Variants in C16orf96 observed in about 807,000 individuals in gnomAD.
C16orf96 encodes uncharacterized protein C16orf96.
C16orf96 carries 108 observed loss-of-function variants against 103.6 expected under a neutral mutation model. The ratio of observed to expected loss-of-function variants is 1.04; its 90% CI spans 0.89 to 1.22. The LOEUF is 1.22. Among genes scored for constraint, C16orf96 ranks in the 50% most tolerant of loss-of-function variants. The pLI is 0.00. For synonymous variants in C16orf96, 566 were observed against 593.5 expected (o/e 0.95, Z 0.67); for missense variants, 1,586 against 1,464.2 (o/e 1.08, Z -1.36).
chr16:4,548,111 G>A, the C16orf96 span, among the ~76,000 whole-genome samples: 6 of 152,146 alleles, frequency 3.9e-5, no homozygotes, highest in Non-Finnish European at 8.8e-5. Flanking sequence ...TACACAAAAA[G>A]CCGCTCCGGG....
At chr16:4,548,635 G>A in the C16orf96 span, among the ~76,000 whole-genome samples, 1 of 152,170 alleles carries the variant, frequency 6.6e-6, no homozygotes, top group African/African-American at 2.4e-5. Flanking sequence ...CCCTCTGGGA[G>A]GCCAAGGCAG....
Position 4,579,025 on chromosome 16 carries a change from G to T in C16orf96, c.2241G>T (p.Lys747Asn), listed in dbSNP as rs376322067. ...GCAGCCTCCAGAAATCTAGGCTCAA[G>T]GTTAGTGTCTCCGGCGAAGGGCTTT... ...KIGSLQKSRL[K>N]EEELERIWGN... The change falls in exon 6 of 16, where the codon AAG (lysine) becomes AAT (asparagine). Residue 747 changes from lysine (K) to asparagine (N), a missense_variant and splice_region_variant. Physicochemically the swap from Lys to Asn is moderately conservative, Grantham distance 94. Coordinates refer to ENST00000444310, the MANE Select transcript of C16orf96 (RefSeq NM_001145011.2). 1.3e-6 allele frequency: 2 copies of T among 1,551,428 alleles called. No individual in the cohort carries two copies. The highest frequency in any genetic ancestry group is 2.0e-5 in the Admixed American group (1 of 51,000).
intron 1 of C16orf96, among the ~76,000 whole-genome samples, chr16:4,567,280 C>CTTTTTTTTTTTTTTT (rs71139642): frequency 3.2e-5 from 2 of 62,604 alleles, no homozygotes; most frequent in Admixed American, 2.5e-4. Context: ...TATTTCTTTT[C>CTTTTTTTTTTTTTTT]TTTTTTTTTT....
rs1434659974 is a variant in C16orf96, at chr16:4,581,136, G to GTATA, written c.2352+1012_2352+1015dup. Among the ~76,000 whole-genome samples, 47 of 40,794 alleles carry GTATA rather than the reference G, an allele frequency of 1.2e-3. 1 individual carries two copies. The highest frequency in any genetic ancestry group is 3.0e-3 in the African/African-American group (45 of 15,036). The allele number at this position is 40,794 out of a possible 152,430, so 26.8% of individuals were successfully genotyped here. Reference sequence around the variant, plus strand: ...CAAAACTCTGTCTAAAAATATATATGTATACATATATATATATATATATAT... The same window carrying GTATA: ...CAAAACTCTGTCTAAAAATATATATGTATATATACATATATATATATATATATAT... On this transcript the variant is annotated intron_variant, in intron 7 of 15. Coordinates refer to ENST00000444310, the MANE Select transcript of C16orf96 (RefSeq NM_001145011.2).
chr16:4,598,755 C>T (rs989941395), intron 14 of C16orf96, among the ~76,000 whole-genome samples: 1 of 152,216 alleles, frequency 6.6e-6, no homozygotes, highest in Admixed American at 6.5e-5. Context: ...CGTCACACTC[C>T]TCTCTGGCCT....
In C16orf96 at chr16:4,576,047, G is replaced by A. The variant is rs1286658361; in HGVS notation, c.1567G>A (p.Ala523Thr). The change falls in exon 5 of 16, where the codon GCT (alanine) becomes ACT (threonine). Residue 523 changes from alanine (A) to threonine (T), a missense_variant. Ala to Thr is a moderately conservative substitution (Grantham distance 58). Coordinates refer to ENST00000444310, the MANE Select transcript of C16orf96 (RefSeq NM_001145011.2). Reference protein sequence around the residue: ...GGKDVDPKDRAHKDDVPKDRG... With the variant: ...GGKDVDPKDRTHKDDVPKDRG... ...CAAGGATGTGGACCCCAAGGATAGA[G>A]CTCACAAGGATGATGTCCCCAAAGA... The A allele has an allele frequency of 6.4e-7, 1 of 1,551,332 alleles. No individual in the cohort carries two copies. Among genetic ancestry groups the A allele is most frequent in the Non-Finnish European group, 8.7e-7 (1 of 1,146,928 alleles).
At position 4,600,504 on chromosome 16, in the gene C16orf96, T is replaced by G; in HGVS notation, c.*187T>G. 1.7e-5 allele frequency: 6 copies of G among 346,642 alleles called. No individual in the cohort carries two copies. The highest frequency in any genetic ancestry group is 4.6e-5 in the East Asian group (1 of 21,616). 21.5% of individuals were successfully genotyped at this position (346,642 alleles called of 1,614,324 possible). A position where few individuals can be genotyped will look rare whatever the true frequency, so the allele number is the denominator to read the frequency against. On this transcript the variant is annotated 3_prime_UTR_variant, in exon 16 of 16. Transcript: ENST00000444310. ...AGGCTCATGCGCCCCCCCCCATCCC[T>G]ACCAAGTCCCCTCCACGTCCGAGGC...
rs1424855490 is a variant in C16orf96 at position 4,575,610 on chromosome 16, G to A, written c.1130G>A (p.Gly377Asp). 17 of 1,513,066 alleles carry A rather than the reference G, an allele frequency of 1.1e-5. No homozygotes were observed. Among genetic ancestry groups the A allele is most frequent in the Non-Finnish European group, 1.4e-5 (16 of 1,130,330 alleles). The allele number at this position is 1,513,066 out of a possible 1,614,324, so 93.7% of individuals were successfully genotyped here. Reference sequence around the variant, plus strand: ...GTGCTTGGACCTGTGCCTGCCCCAGGTGCCCAGCCTCCACCACTGGGAGAC... The same window carrying A: ...GTGCTTGGACCTGTGCCTGCCCCAGATGCCCAGCCTCCACCACTGGGAGAC... Reference protein sequence around the residue: ...WPVLGPVPAPGAQPPPLGDWP... With the variant: ...WPVLGPVPAPDAQPPPLGDWP... Residue 377 changes from glycine to aspartate, a missense_variant, in exon 5 of 16, where the codon GGT becomes GAT. By Grantham distance (94) the Gly-to-Asp change is moderately conservative (BLOSUM62 -1). Transcript: ENST00000444310.
chr16:4,597,412 C>T (rs1256129447), intron 14 of C16orf96, among the ~76,000 whole-genome samples: 1 of 152,214 alleles, frequency 6.6e-6, no homozygotes, highest in African/African-American at 2.4e-5. Context: ...GAGTCCACAT[C>T]TGATGCACCC....
intron 4 of C16orf96, 36 bp downstream of exon 4, chr16:4,575,094 TG>T: frequency 6.4e-7 from 1 of 1,550,530 alleles, no homozygotes. Context: ...AGCAGGAAGC[TG>T]GGGAGCAGGC....
intron 14 of C16orf96, among the ~76,000 whole-genome samples, chr16:4,596,976 C>G (rs144615609): frequency 6.6e-6 from 1 of 152,142 alleles, no homozygotes; most frequent in Non-Finnish European, 1.5e-5. Flanking sequence ...GATTTGTGCC[C>G]GACCTAACCC....
chr16:4,564,706 G>C (rs547890853), intron 1 of C16orf96, among the ~76,000 whole-genome samples: 1 of 152,254 alleles, frequency 6.6e-6, no homozygotes, highest in Admixed American at 6.5e-5. Flanking sequence ...AGCCACTCGA[G>C]AGGCTGAGGC....
intron 2 of C16orf96, among the ~76,000 whole-genome samples, chr16:4,574,108 C>T (rs2059472264): frequency 6.6e-6 from 1 of 152,212 alleles, no homozygotes; most frequent in Non-Finnish European, 1.5e-5. Flanking sequence ...GCTGGGATTA[C>T]AGGCATGAGC....
chr16:4,580,541 A>G (rs1412366761), intron 7 of C16orf96, among the ~76,000 whole-genome samples: 3 of 152,146 alleles, frequency 2.0e-5, no homozygotes, highest in Non-Finnish European at 4.4e-5. Flanking sequence ...AAAATAAAAA[A>G]ATAATAATAA....
In C16orf96 at chr16:4,575,597, G is replaced by A. The variant is rs2059494694; in HGVS notation, c.1117G>A (p.Val373Met). 1 of 1,513,936 alleles carries A rather than the reference G, an allele frequency of 6.6e-7. No homozygotes were observed. The highest frequency in any genetic ancestry group is 8.8e-7 in the Non-Finnish European group (1 of 1,131,168). 93.8% of individuals were successfully genotyped at this position (1,513,936 alleles called of 1,614,324 possible). The change falls in exon 5 of 16, where the codon GTG becomes ATG. Residue 373 changes from valine to methionine, a missense_variant. Val to Met is a conservative substitution (Grantham distance 21, BLOSUM62 1). Transcript: ENST00000444310. ...AGCACCTTGGCCTGTGCTTGGACCT[G>A]TGCCTGCCCCAGGTGCCCAGCCTCC... ...LPAPWPVLGP[V>M]PAPGAQPPPL...
chr16:4,577,811 C>G (rs1026831227), intron 5 of C16orf96, among the ~76,000 whole-genome samples: 4 of 152,176 alleles, frequency 2.6e-5, no homozygotes, highest in African/African-American at 9.7e-5. Flanking sequence ...CAAAAGTTAG[C>G]CAGGCTTGAT....
At chr16:4,571,157 G>T (rs1236130073) in intron 1 of C16orf96, among the ~76,000 whole-genome samples, 1 of 152,158 alleles carries the variant, frequency 6.6e-6, no homozygotes, top group Non-Finnish European at 1.5e-5. Flanking sequence ...CTGCACTCCA[G>T]CCTGAGCCAC....
intron 1 of C16orf96, chr16:4,562,875 G>A: frequency 7.2e-7 from 1 of 1,398,304 alleles, no homozygotes; most frequent in Non-Finnish European, 1.0e-6. Flanking sequence ...CCATTGTTCT[G>A]GATTTAAAGA....
chr16:4,552,470 A>G (rs1184621492), upstream of C16orf96, among the ~76,000 whole-genome samples: 1 of 143,338 alleles, frequency 7.0e-6, no homozygotes, highest in East Asian at 2.0e-4. Context: ...CGACAGTGTT[A>G]GACTCTGTCT....
Sources: allele counts gnomAD v4.1 joint callset (sites outside exome capture counted in the v4.1 genomes callset), GRCh38; gene constraint gnomAD v4.1.1; transcripts MANE v1.5; gene names NCBI Gene and HGNC (gene_info 2026-07-23, HGNC 2026-07-21).